The following FBXL13 variants were observed in gnomAD, a reference collection of about 807,000 sequenced individuals.
The protein encoded by FBXL13 is F-box and leucine rich repeat protein 13.
A neutral mutation model predicts 83.6 loss-of-function variants in FBXL13; 67 were observed. That is an observed-to-expected ratio of 0.80 (90% CI 0.66 to 0.98). The LOEUF is 0.98. Among genes scored for constraint, FBXL13 ranks in the 50% least tolerant of loss-of-function variants. FBXL13 has a pLI of 0.00. For synonymous variants in FBXL13, 272 were observed against 299.5 expected (o/e 0.91, Z 0.95); for missense variants, 822 against 866.5 (o/e 0.95, Z 0.64).
rs758014867 is a variant in FBXL13 at position 102,963,528 on chromosome 7, C to T, written c.724+5G>A. ...AAGACAAATAGTTGTAATGAACATA[C>T]TTACTGACAGATCTGAAAGTTTTGG... On this transcript the variant is annotated splice_donor_5th_base_variant and intron_variant, in intron 8 of 19. Transcript: ENST00000313221. The T allele has an allele frequency of 1.2e-5, 19 of 1,610,786 alleles. No individual in the cohort carries two copies. The highest frequency in any genetic ancestry group is 1.5e-5 in the Non-Finnish European group (18 of 1,179,254).
chr7:102,870,031 A>AT (rs373536835), intron 16 of FBXL13, among the ~76,000 whole-genome samples: 1 of 152,190 alleles, frequency 6.6e-6, no homozygotes, highest in Non-Finnish European at 1.5e-5. Context: ...TTAGTAGTAG[A>AT]TTTTTTGGCT....
At chr7:102,931,408 T>C (rs1819146388) in intron 9 of FBXL13, among the ~76,000 whole-genome samples, 1 of 152,130 alleles carries the variant, frequency 6.6e-6, no homozygotes, top group South Asian at 2.1e-4. Flanking sequence ...GAAGTAGTCA[T>C]ATCTGCCTTT....
chr7:103,029,483 G>T, intron 2 of FBXL13, 65 bp from the exon 4 acceptor site: 1 of 888,248 alleles, frequency 1.1e-6, no homozygotes, highest in Non-Finnish European at 1.6e-6. Context: ...GACTACCTCT[G>T]CAAGATACTC....
intron 1 of FBXL13, among the ~76,000 whole-genome samples, chr7:103,066,841 G>C (rs530210253): frequency 6.6e-6 from 1 of 150,736 alleles, no homozygotes; most frequent in East Asian, 1.9e-4. Flanking sequence ...GCCCAGGCTG[G>C]AGTGCAATGG....
chr7:103,053,701 G>A (rs1797058806), intron 2 of FBXL13, among the ~76,000 whole-genome samples: 1 of 152,084 alleles, frequency 6.6e-6, no homozygotes, highest in South Asian at 2.1e-4. Context: ...CTGTCCCCTA[G>A]GCCTCTCCCT....
At chr7:102,830,217 C>T (rs534012345) in intron 18 of FBXL13, among the ~76,000 whole-genome samples, 4 of 152,108 alleles carry the variant, frequency 2.6e-5, no homozygotes, top group Non-Finnish European at 2.9e-5. Flanking sequence ...CCAAAGCAAA[C>T]AAACAAACAA....
Position 102,986,019 on chromosome 7 carries a change from C to G in FBXL13, c.496-17902G>C, listed in dbSNP as rs558075486. Among the ~76,000 whole-genome samples, 113 of 140,506 alleles carry G rather than the reference C, an allele frequency of 8.0e-4. 4 individuals are homozygous for G. The South Asian group carries it at 0.016, about 20-fold the overall frequency. 92.2% of individuals were successfully genotyped at this position (140,506 alleles called of 152,430 possible). A position where few individuals can be genotyped will look rare whatever the true frequency, so the allele number is the denominator to read the frequency against. ...ACATCCCTGGAACCTGGCACGATGC[C>G]CCCCCCCCATCAATACATTTAGTAG... On this transcript the variant is annotated intron_variant, in intron 6 of 19. Coordinates refer to ENST00000313221, the Ensembl canonical transcript of FBXL13.
intron 16 of FBXL13, among the ~76,000 whole-genome samples, chr7:102,866,913 A>G (rs757429705): frequency 1.3e-5 from 2 of 152,232 alleles, no homozygotes; most frequent in Non-Finnish European, 2.9e-5. Context: ...TTACAGTGCT[A>G]TAGGGAGACA....
intron 4 of FBXL13, 111 bp from the exon 6 acceptor site, chr7:103,027,669 C>A (rs1794088217): frequency 1.6e-6 from 1 of 637,528 alleles, no homozygotes; most frequent in Non-Finnish European, 2.5e-6. Flanking sequence ...CGCATCTGAT[C>A]GTTTTTGTTT....
intron 1 of FBXL13, among the ~76,000 whole-genome samples, chr7:103,073,925 C>A (rs970137431): frequency 1.2e-4 from 18 of 152,282 alleles, no homozygotes; most frequent in African/African-American, 3.6e-4. Flanking sequence ...CCCATCCCCA[C>A]TCAAACACGC....
At chr7:102,933,758 T>TA (rs1819679313) in intron 8 of FBXL13, 3 of 669,830 alleles carry the variant, frequency 4.5e-6, no homozygotes, top group South Asian at 2.4e-5. Context: ...TTAATATATA[T>TA]TTTTTTCTCT....
chr7:103,053,571 C>A (rs916982336), intron 2 of FBXL13, among the ~76,000 whole-genome samples: 1 of 152,196 alleles, frequency 6.6e-6, no homozygotes, highest in African/African-American at 2.4e-5. Context: ...CACGCTAAAT[C>A]AGTGGTTTTC....
intron 17 of FBXL13, among the ~76,000 whole-genome samples, chr7:102,835,221 T>A (rs1337538794): frequency 6.6e-6 from 1 of 152,186 alleles, no homozygotes; most frequent in South Asian, 2.1e-4. Context: ...CTGTACTGCA[T>A]GAAAGTCTGT....
chr7:102,919,207 C>T (rs369542123), intron 10 of FBXL13, among the ~76,000 whole-genome samples: 64 of 152,334 alleles, frequency 4.2e-4, no homozygotes, highest in African/African-American at 1.5e-3. Context: ...TGCTTCTCCT[C>T]ACCCTTGCCA....
At chr7:102,962,771 G>A (rs1825445613) in intron 8 of FBXL13, among the ~76,000 whole-genome samples, 1 of 137,776 alleles carries the variant, frequency 7.3e-6, no homozygotes, top group Admixed American at 8.4e-5. Context: ...TCATAGGTGG[G>A]AACTGAACAA....
chr7:103,058,470 T>C (rs1797547758), intron 1 of FBXL13, among the ~76,000 whole-genome samples: 1 of 152,212 alleles, frequency 6.6e-6, no homozygotes, highest in Non-Finnish European at 1.5e-5. Flanking sequence ...AGCCATCTAT[T>C]ATCTGGAGGC....
intron 6 of FBXL13, among the ~76,000 whole-genome samples, chr7:103,005,977 C>T (rs914951733): frequency 3.3e-5 from 5 of 152,094 alleles, no homozygotes; most frequent in Admixed American, 6.6e-5. Context: ...CCAGGCTATC[C>T]TTCCCAATAT....
At chr7:103,045,308 T>G (rs1282752932) in intron 2 of FBXL13, among the ~76,000 whole-genome samples, 1 of 152,190 alleles carries the variant, frequency 6.6e-6, no homozygotes, top group Non-Finnish European at 1.5e-5. Context: ...ATCTTGTCTA[T>G]CTATTAAGCT....
intron 6 of FBXL13, among the ~76,000 whole-genome samples, chr7:103,008,537 A>G (rs974239817): frequency 6.6e-6 from 1 of 152,172 alleles, no homozygotes; most frequent in African/African-American, 2.4e-5. Context: ...TGAAAAATGT[A>G]TGCTGGATAA....
Sources: allele counts gnomAD v4.1 joint callset (sites outside exome capture counted in the v4.1 genomes callset), GRCh38; gene constraint gnomAD v4.1.1; transcripts MANE v1.5; gene names NCBI Gene and HGNC (gene_info 2026-07-23, HGNC 2026-07-21).